Variants in VPS13C observed in about 807,000 individuals in gnomAD.
VPS13C encodes the protein intermembrane lipid transfer protein VPS13C.
Under a neutral mutation model 456.8 loss-of-function variants are expected in VPS13C, and 358 were observed. That is an observed-to-expected ratio of 0.78 (90% CI 0.72 to 0.86). The LOEUF is 0.86. VPS13C is among the 40% of genes least tolerant of loss of function. The pLI is 0.00. For synonymous variants in VPS13C, 1,578 were observed against 1,486.7 expected (o/e 1.06, Z -1.41); for missense variants, 4,818 against 4,385.4 (o/e 1.10, Z -2.79).
Position 61,958,715 on chromosome 15 carries a change from A to G in VPS13C, c.4058T>C (p.Val1353Ala). 6.9e-7 allele frequency: 1 copy of G among 1,442,958 alleles called. No homozygotes were observed. 89.4% of individuals were successfully genotyped at this position (1,442,958 alleles called of 1,614,324 possible). A position where few individuals can be genotyped will look rare whatever the true frequency, so the allele number is the denominator to read the frequency against. The change falls in exon 37 of 85, where the codon GTT (valine) becomes GCT (alanine). Residue 1353 changes from valine (V) to alanine (A), a missense_variant and splice_region_variant. By Grantham distance (64) the Val-to-Ala change is moderately conservative. This residue lies in a region of VPS13C where 4,552 missense variants were observed against 4,130.6 expected (regional missense o/e 1.10). Transcript: ENST00000644861. Reference sequence around the variant, plus strand: ...ATTAAGATCTTCTTGATTTAGACTAACCTGTAAAATATTATGTTAAAAAAA... The same window carrying G: ...ATTAAGATCTTCTTGATTTAGACTAGCCTGTAAAATATTATGTTAAAAAAA... ...EIKGHLDSMN[V>A]SLNQEDLNLL...
intron 59 of VPS13C, among the ~76,000 whole-genome samples, chr15:61,917,840 GAACA>G (rs969228266): frequency 1.2e-4 from 18 of 149,704 alleles, no homozygotes; most frequent in African/African-American, 3.2e-4. Flanking sequence ...TTTCTGAAAA[GAACA>G]AACAAACAAA....
At chr15:62,014,135 A>C (rs938040970) in intron 9 of VPS13C, 143 bp from the exon 10 acceptor site, 2 of 492,564 alleles carry the variant, frequency 4.1e-6, no homozygotes, top group African/African-American at 4.0e-5. Flanking sequence ...ATTTCTTTAC[A>C]TATATTTATA....
Position 61,934,227 on chromosome 15 carries a change from T to C in VPS13C, c.5860A>G (p.Ile1954Val). Residue 1954 changes from isoleucine to valine, a missense_variant, in exon 49 of 85, where the codon ATC becomes GTC. Ile to Val is a conservative substitution (Grantham distance 29, BLOSUM62 3). Transcript: ENST00000644861. Reference sequence around the variant, plus strand: ...AGAAATGTATTACATACCTGGTTGATATCATTGTTATAAAGGATAATGGAA... The same window carrying C: ...AGAAATGTATTACATACCTGGTTGACATCATTGTTATAAAGGATAATGGAA... Reference protein sequence around the residue: ...SLSIILYNNDINQESGVAFHN... With the variant: ...SLSIILYNNDVNQESGVAFHN... 6.4e-7 allele frequency: 1 copy of C among 1,574,266 alleles called. No homozygotes were observed. The highest frequency in any genetic ancestry group is 8.6e-7 in the Non-Finnish European group (1 of 1,156,448).
rs72747895 is a variant in VPS13C at position 61,929,480 on chromosome 15, T to C, written c.6286+21A>G. 68,776 of 1,608,256 alleles carry C rather than the reference T, an allele frequency of 0.043. 3,545 individuals are homozygous for C. Among genetic ancestry groups the C allele is most frequent in the East Asian group, 0.21 (9,563 of 44,700 alleles). On this transcript the variant is annotated intron_variant, in intron 51 of 84. Coordinates refer to ENST00000644861, the MANE Select transcript of VPS13C (RefSeq NM_020821.3). ...GTCAAAATATACAAGTTGTCATCTA[T>C]GACAGATAAATTCTGCTAACCTTTC...
Position 61,962,034 on chromosome 15 carries a change from T to C in VPS13C, c.3604-141A>G, listed in dbSNP as rs112744078. The C allele has an allele frequency of 7.1e-6, 7 of 987,536 alleles. No individual in the cohort carries two copies. The African/African-American group carries it at 8.2e-5, about 12-fold the overall frequency. 61.2% of individuals were successfully genotyped at this position (987,536 alleles called of 1,614,324 possible). The stretch of plus-strand genomic sequence containing the variant: ...TTGAGCCCTATTTTTCTAGCAGTAT[T>C]AAGAAATTACGGATAATCCATCTAT... On this transcript the variant is annotated intron_variant, in intron 34 of 84. Coordinates refer to ENST00000644861, the MANE Select transcript of VPS13C (RefSeq NM_020821.3).
chr15:61,892,938 A>G (rs1179202593), intron 66 of VPS13C, among the ~76,000 whole-genome samples: 1 of 152,210 alleles, frequency 6.6e-6, no homozygotes, highest in East Asian at 1.9e-4. Context: ...GAAAATACAC[A>G]GAGGAGAAAA....
intron 40 of VPS13C, among the ~76,000 whole-genome samples, chr15:61,950,632 T>A (rs1457468437): frequency 1.3e-5 from 2 of 151,624 alleles, no homozygotes. Flanking sequence ...TAATTCCTTA[T>A]CCTACTGTGG....
At chr15:61,941,124 T>A (rs2044406906) in intron 46 of VPS13C, among the ~76,000 whole-genome samples, 1 of 152,196 alleles carries the variant, frequency 6.6e-6, no homozygotes, top group African/African-American at 2.4e-5. Context: ...AAATGTTACA[T>A]CCTCCTAAAA....
intron 55 of VPS13C, 100 bp downstream of exon 55, chr15:61,921,847 T>G: frequency 2.4e-6 from 3 of 1,226,846 alleles, no homozygotes; most frequent in Non-Finnish European, 3.5e-6. Context: ...TAAAAGGGCT[T>G]CAAGGATCCT....
At chr15:61,860,633 T>G (rs1894168465) in intron 82 of VPS13C, among the ~76,000 whole-genome samples, 1 of 152,176 alleles carries the variant, frequency 6.6e-6, no homozygotes, top group Non-Finnish European at 1.5e-5. Context: ...TTAAAAATCA[T>G]GTTGTCAAAG....
chr15:61,977,295 C>G, intron 23 of VPS13C, 96 bp from the exon 24 acceptor site: 1 of 765,200 alleles, frequency 1.3e-6, no homozygotes, highest in Non-Finnish European at 2.0e-6. Flanking sequence ...TTTAAATTGT[C>G]AGACATTCTA....
intron 62 of VPS13C, 108 bp from the exon 63 acceptor site, chr15:61,912,112 T>C: frequency 2.0e-6 from 2 of 1,015,710 alleles, no homozygotes; most frequent in Non-Finnish European, 2.6e-6. Flanking sequence ...AAATAATAAT[T>C]CTTAAATAAA....
chr15:61,871,857 C>G (rs904201231), intron 79 of VPS13C, 132 bp downstream of exon 79: 44 of 756,416 alleles, frequency 5.8e-5, no homozygotes, highest in Non-Finnish European at 8.6e-5. Flanking sequence ...CATTGAGCAA[C>G]TTAAGGCTAC....
intron 20 of VPS13C, among the ~76,000 whole-genome samples, 181 bp from the exon 21 acceptor site, chr15:61,982,754 C>T (rs2045925932): frequency 6.6e-6 from 1 of 152,170 alleles, no homozygotes. Context: ...AGAGCCTAAG[C>T]AAGCTTACTG....
intron 25 of VPS13C, 39 bp from the exon 26 acceptor site, chr15:61,973,571 C>T: frequency 6.8e-7 from 1 of 1,479,668 alleles, no homozygotes. Flanking sequence ...AAAAGGATGA[C>T]TTAGCAGGAT....
intron 15 of VPS13C, among the ~76,000 whole-genome samples, chr15:62,002,900 C>T (rs549987761): frequency 1.0e-3 from 153 of 152,216 alleles, no homozygotes; most frequent in African/African-American, 3.6e-3. Flanking sequence ...GGTACCAGTA[C>T]CATGCTGTTT....
chr15:61,874,955 G>T lies in VPS13C; in HGVS notation c.10339-4C>A. 6.5e-7 allele frequency: 1 copy of T among 1,534,484 alleles called. No individual in the cohort carries two copies. The stretch of plus-strand genomic sequence containing the variant: ...CTTCAGGGCCTTGAACAGCACCCTG[G>T]CAAAAAAAAATAAAAAATAATCTTA... On this transcript the variant is annotated splice_region_variant and splice_polypyrimidine_tract_variant and intron_variant, in intron 76 of 84. Transcript: ENST00000644861.
chr15:62,000,491 A>C, intron 16 of VPS13C, 73 bp downstream of exon 16: 1 of 1,417,950 alleles, frequency 7.1e-7, no homozygotes, highest in Non-Finnish European at 9.6e-7. Flanking sequence ...TGAAACTTCA[A>C]TTTCTTGATC....
Position 61,867,815 on chromosome 15 carries a change from T to C in VPS13C, c.10863+844A>G. ...GAAAAGTTCAGATGGAGGTGAGAGT[T>C]TTAAAGAAAATTTCATTAAAATTGA... On this transcript the variant is annotated intron_variant, in intron 81 of 84. Transcript: ENST00000644861. The surrounding 1 kb of genome is among the most constrained non-coding windows in gnomAD (Gnocchi z 5.0). The C allele has an allele frequency of 6.6e-7, 1 of 1,525,896 alleles. No homozygotes were observed. Among genetic ancestry groups the C allele is most frequent in the Non-Finnish European group, 8.8e-7 (1 of 1,138,362 alleles). The allele number at this position is 1,525,896 out of a possible 1,614,324, so 94.5% of individuals were successfully genotyped here.
Sources: allele counts gnomAD v4.1 joint callset (sites outside exome capture counted in the v4.1 genomes callset), GRCh38; gene constraint gnomAD v4.1.1; regional missense constraint gnomAD v4.1.1; non-coding constraint Gnocchi (gnomAD v3.1); transcripts MANE v1.5; gene names NCBI Gene and HGNC (gene_info 2026-07-23, HGNC 2026-07-21).